BACE1: variants seen among roughly 807,000 people sequenced by gnomAD.
BACE1 encodes APP beta-secretase.
Under a neutral mutation model 54.0 loss-of-function variants are expected in BACE1, and 21 were observed. That is an observed-to-expected ratio of 0.39 (90% CI 0.28 to 0.56). The LOEUF is 0.56. Ranked by LOEUF, BACE1 falls within the 20% of genes least tolerant of loss-of-function variation. BACE1 has a pLI of 0.63. For missense variants in BACE1, 511 were observed against 661.2 expected, an observed-to-expected ratio of 0.77 and a Z score of 2.49; for synonymous variants, 232 against 260.9, an observed-to-expected ratio of 0.89 and a Z score of 1.07.
chr11:117,313,537 C>T (rs555832550), intron 1 of BACE1, among the ~76,000 whole-genome samples: 6 of 152,240 alleles, frequency 3.9e-5, no homozygotes, highest in South Asian at 4.1e-4. Flanking sequence ...CAGGTTCAAG[C>T]GATTCTCCTG....
chr11:117,312,740 G>C (rs995806881), intron 1 of BACE1, among the ~76,000 whole-genome samples: 5 of 152,332 alleles, frequency 3.3e-5, no homozygotes, highest in African/African-American at 1.2e-4. Flanking sequence ...TGGGATTACA[G>C]GCGTGAGCCA....
At chr11:117,310,847 C>A (rs978938743) in intron 1 of BACE1, among the ~76,000 whole-genome samples, 1 of 152,198 alleles carries the variant, frequency 6.6e-6, no homozygotes, top group Non-Finnish European at 1.5e-5. Flanking sequence ...ACTTCTTCTT[C>A]CCCAAGACAA....
chr11:117,296,501 G>GTGTT (rs2034603489), intron 2 of BACE1, among the ~76,000 whole-genome samples: 1 of 152,148 alleles, frequency 6.6e-6, no homozygotes, highest in Non-Finnish European at 1.5e-5. Flanking sequence ...GACTTAGCTG[G>GTGTT]TGTTAGAGAA....
Position 117,290,473 on chromosome 11 carries a change from C to T in BACE1, c.1264+15G>A. 6.2e-7 allele frequency: 1 copy of T among 1,613,246 alleles called. No homozygotes were observed. The highest frequency in any genetic ancestry group is 8.5e-7 in the Non-Finnish European group (1 of 1,179,452). On this transcript the variant is annotated intron_variant, in intron 8 of 8. Coordinates refer to ENST00000313005, the MANE Select transcript of BACE1 (RefSeq NM_012104.6). Reference sequence around the variant, plus strand: ...GGAGAGACTGACCCCAAACCCTCAGCCCTGGCACTCTCACCATGGCAAGCG... The same window carrying T: ...GGAGAGACTGACCCCAAACCCTCAGTCCTGGCACTCTCACCATGGCAAGCG...
chr11:117,303,215 C>A (rs566115149), intron 1 of BACE1, among the ~76,000 whole-genome samples: 9 of 152,302 alleles, frequency 5.9e-5, no homozygotes, highest in African/African-American at 2.2e-4. Context: ...TGTATTTACG[C>A]AGCCTGTGAT....
At chr11:117,297,077 T>C (rs1275687983) in intron 1 of BACE1, 116 bp from the exon 2 acceptor site, 6 of 791,014 alleles carry the variant, frequency 7.6e-6, no homozygotes, top group Non-Finnish European at 1.3e-5. Context: ...AGAGTGAAGC[T>C]CCACGATGCA....
intron 1 of BACE1, among the ~76,000 whole-genome samples, chr11:117,297,543 C>G (rs2034630834): frequency 6.6e-6 from 1 of 152,094 alleles, no homozygotes; most frequent in Non-Finnish European, 1.5e-5. Flanking sequence ...TCACTTGACC[C>G]TGGGAGGTGG....
At chr11:117,297,190 C>A (rs1452744518) in intron 1 of BACE1, 8 of 477,550 alleles carry the variant, frequency 1.7e-5, no homozygotes, top group Non-Finnish European at 2.6e-5. Context: ...GTGCCCTCTG[C>A]AGGTCTGCTG....
Position 117,286,269 on chromosome 11 carries a change from T to G in BACE1, c.*3297A>C, listed in dbSNP as rs1246402936. The G allele has an allele frequency of 6.6e-6, 1 of 152,338 alleles. No homozygotes were observed. The highest frequency in any genetic ancestry group is 1.5e-5 in the Non-Finnish European group (1 of 68,048). The allele number at this position is 152,338 out of a possible 1,614,324, so 9.4% of individuals were successfully genotyped here. ...TCAAATTTATAAATCACTTGCTCTG[T>G]GGGTAGCTATCAGGAACTAGATCAT... On this transcript the variant is annotated 3_prime_UTR_variant, in exon 9 of 9. Transcript: ENST00000313005.
intron 1 of BACE1, among the ~76,000 whole-genome samples, chr11:117,310,194 G>A (rs1716931893): frequency 6.6e-6 from 1 of 152,140 alleles, no homozygotes; most frequent in Non-Finnish European, 1.5e-5. Context: ...ACAGGCGTGA[G>A]CTGCTGAACC....
intron 2 of BACE1, chr11:117,295,762 G>A (rs562037597): frequency 7.5e-5 from 103 of 1,371,618 alleles, no homozygotes; most frequent in South Asian, 6.3e-4. Flanking sequence ...GGTACCATCC[G>A]AGTGGTAGAG....
chr11:117,300,317 C>T (rs151089566), intron 1 of BACE1, among the ~76,000 whole-genome samples: 11 of 152,332 alleles, frequency 7.2e-5, no homozygotes, highest in East Asian at 3.9e-4. Context: ...GCTTCTCTCC[C>T]GAGCAAATGT....
At position 117,298,256 on chromosome 11, in the gene BACE1, T is replaced by G. The variant is rs570617252; in HGVS notation, c.262-1295A>C. ...GGCGGAGGTTGCAGTGAGCCGAAAT[T>G]ACACCACTGCACTCCGGCCTGGACG... On this transcript the variant is annotated intron_variant, in intron 1 of 8. Transcript: ENST00000313005. Among the ~76,000 whole-genome samples the G allele has an allele frequency of 2.6e-5, 4 of 151,470 alleles. No homozygotes were observed. In the East Asian group the frequency reaches 7.8e-4, roughly 29 times the overall value.
chr11:117,290,801 C>CT, intron 7 of BACE1, 99 bp downstream of exon 7: 3 of 1,553,968 alleles, frequency 1.9e-6, no homozygotes, highest in Non-Finnish European at 2.6e-6. Flanking sequence ...GGACACTACT[C>CT]ATCTGTTTTG....
At chr11:117,295,101 G>C in intron 3 of BACE1, 30 bp downstream of exon 3, 1 of 1,585,236 alleles carries the variant, frequency 6.3e-7, no homozygotes, top group Non-Finnish European at 8.7e-7. Flanking sequence ...TGTGCATAGA[G>C]TGTGTAGGGC....
At chr11:117,306,752 A>G (rs980693825) in intron 1 of BACE1, among the ~76,000 whole-genome samples, 2 of 152,112 alleles carry the variant, frequency 1.3e-5, no homozygotes, top group Non-Finnish European at 2.9e-5. Flanking sequence ...TGGAGGTTGC[A>G]GGGAGCCGAG....
intron 2 of BACE1, 77 bp from the exon 3 acceptor site, chr11:117,295,424 C>T: frequency 6.4e-7 from 1 of 1,561,344 alleles, no homozygotes; most frequent in Middle Eastern, 1.7e-4. Context: ...TACTCCCAAA[C>T]ACCACCTTAT....
Position 117,296,860 on chromosome 11 carries a change from C to T in BACE1, c.350+13G>A, listed in dbSNP as rs1476067152. 6.2e-7 allele frequency: 1 copy of T among 1,607,796 alleles called. No homozygotes were observed. Among genetic ancestry groups the T allele is most frequent in the South Asian group, 1.1e-5 (1 of 90,656 alleles). ...GGAAAAGGTACTTCCCCCGGGCTCTCCCCAGGACTCACAGCTGCCTCTGGT... is the reference window on the plus strand; with the variant it reads ...GGAAAAGGTACTTCCCCCGGGCTCTTCCCAGGACTCACAGCTGCCTCTGGT... On this transcript the variant is annotated intron_variant, in intron 2 of 8. Coordinates refer to ENST00000313005, the MANE Select transcript of BACE1 (RefSeq NM_012104.6).
At chr11:117,290,062 GTTGACCAAAAGCCACCCCC>G (rs535523059) in intron 8 of BACE1, among the ~76,000 whole-genome samples, 273 of 152,242 alleles carry the variant, frequency 1.8e-3, no homozygotes, top group African/African-American at 6.2e-3. Flanking sequence ...GTAGTTCTGA[GTTGACCAAAAGCCACCCCC>G]TTGACCAAAA....
Sources: allele counts gnomAD v4.1 joint callset (sites outside exome capture counted in the v4.1 genomes callset), GRCh38; gene constraint gnomAD v4.1.1; transcripts MANE v1.5; gene names NCBI Gene and HGNC (gene_info 2026-07-23, HGNC 2026-07-21).